Variants in RAPGEF4 observed in about 807,000 individuals in gnomAD.
RAPGEF4 encodes RAP guanine-nucleotide-exchange factor (GEF) 4.
In RAPGEF4, 66 loss-of-function variants were observed where a neutral mutation model predicts 147.9. The observed-to-expected ratio is 0.45, with a 90% confidence interval of 0.37 to 0.55. The LOEUF (loss-of-function observed/expected upper bound fraction) is 0.55, where lower values mean the gene tolerates loss of function less well. Among genes scored for constraint, RAPGEF4 ranks in the 20% least tolerant of loss-of-function variants. The probability of loss-of-function intolerance (pLI) is 0.00; values close to 1 mark genes in which losing one functional copy is unlikely to be tolerated. For missense variants in RAPGEF4, 1,071 were observed against 1,257.3 expected, an observed-to-expected ratio of 0.85 and a Z score of 2.24; for synonymous variants, 419 against 442.7, an observed-to-expected ratio of 0.95 and a Z score of 0.67.
At chr2:172,815,282 CCA>C (rs1353419577) in intron 4 of RAPGEF4, among the ~76,000 whole-genome samples, 1 of 152,184 alleles carries the variant, frequency 6.6e-6, no homozygotes, top group African/African-American at 2.4e-5. Flanking sequence ...ATAGTTTCCT[CCA>C]GAGCCAAACA....
chr2:172,795,719 A>T (rs1401587020), intron 2 of RAPGEF4, among the ~76,000 whole-genome samples: 2 of 152,232 alleles, frequency 1.3e-5, no homozygotes, highest in Non-Finnish European at 2.9e-5. Flanking sequence ...ATATTCAATG[A>T]CTTATACAAG....
chr2:172,883,203 A>G (rs966964901), intron 4 of RAPGEF4, among the ~76,000 whole-genome samples: 2 of 152,336 alleles, frequency 1.3e-5, no homozygotes, highest in Admixed American at 6.5e-5. Context: ...TATAAAGAAC[A>G]GAGATTTCTC....
intron 1 of RAPGEF4, among the ~76,000 whole-genome samples, chr2:172,749,426 G>T (rs1695063413): frequency 6.6e-6 from 1 of 152,196 alleles, no homozygotes; most frequent in Admixed American, 6.5e-5. Context: ...CTGGAGGCTT[G>T]CACCCTCTGA....
chr2:172,922,371 C>A, intron 6 of RAPGEF4, 71 bp downstream of exon 6: 1 of 1,410,450 alleles, frequency 7.1e-7, no homozygotes. Flanking sequence ...GGTAACCCTA[C>A]CAACAAAGAG....
intron 14 of RAPGEF4, among the ~76,000 whole-genome samples, chr2:172,990,204 A>G (rs1692692466): frequency 6.6e-6 from 1 of 152,212 alleles, no homozygotes; most frequent in Non-Finnish European, 1.5e-5. Flanking sequence ...ATTTAAAGGT[A>G]AACTGTACTA....
intron 1 of RAPGEF4, among the ~76,000 whole-genome samples, chr2:172,777,371 A>T (rs1051878535): frequency 6.6e-6 from 1 of 152,218 alleles, no homozygotes; most frequent in Admixed American, 6.5e-5. Context: ...ATTTAAAAAA[A>T]AAACCCTGCT....
At chr2:172,944,079 C>T (rs2105345920) in intron 6 of RAPGEF4, among the ~76,000 whole-genome samples, 1 of 152,280 alleles carries the variant, frequency 6.6e-6, no homozygotes, top group South Asian at 2.1e-4. Flanking sequence ...TATTAAATCA[C>T]ATGGAACAGG....
At chr2:173,048,137 G>A (rs6717735) in intron 29 of RAPGEF4, 38,199 of 156,670 alleles carry the variant, frequency 0.24, 5,095 homozygotes, top group East Asian at 0.63. Flanking sequence ...GCAAAAATGT[G>A]AAGGTAGAAT....
intron 17 of RAPGEF4, among the ~76,000 whole-genome samples, chr2:173,002,922 G>A (rs1022039374): frequency 6.6e-6 from 1 of 152,150 alleles, no homozygotes; most frequent in African/African-American, 2.4e-5. Flanking sequence ...AACAAATTCA[G>A]GATGTCTGTG....
At chr2:172,795,246 A>G in intron 2 of RAPGEF4, 79 bp downstream of exon 2, 1 of 1,394,062 alleles carries the variant, frequency 7.2e-7, no homozygotes, top group Non-Finnish European at 1.0e-6. Context: ...GATAAATAGC[A>G]AATGGAGTAT....
intron 1 of RAPGEF4, among the ~76,000 whole-genome samples, chr2:172,777,088 A>G (rs1237753821): frequency 6.6e-6 from 1 of 152,040 alleles, no homozygotes; most frequent in Non-Finnish European, 1.5e-5. Flanking sequence ...CTAGGCAGTT[A>G]ATGTCCTGGC....
intron 30 of RAPGEF4, 64 bp from the exon 31 acceptor site, chr2:173,051,576 G>C: frequency 6.7e-7 from 1 of 1,502,036 alleles, no homozygotes; most frequent in South Asian, 1.3e-5. Context: ...AATTGGAGAA[G>C]TAAGATTGTA....
intron 29 of RAPGEF4, among the ~76,000 whole-genome samples, chr2:173,046,079 A>G (rs907487001): frequency 2.0e-5 from 3 of 152,234 alleles, no homozygotes; most frequent in African/African-American, 7.2e-5. Context: ...TCACACCATT[A>G]AACATTATTG....
intron 1 of RAPGEF4, among the ~76,000 whole-genome samples, chr2:172,750,580 C>A (rs1366301425): frequency 6.6e-6 from 1 of 152,128 alleles, no homozygotes; most frequent in Non-Finnish European, 1.5e-5. Flanking sequence ...AGGACACAGC[C>A]AAACCATATC....
rs529549868 is a variant in RAPGEF4 at position 172,844,190 on chromosome 2, G to C, written c.444+29765G>C. Among the ~76,000 whole-genome samples the C allele has an allele frequency of 5.8e-4, 88 of 152,256 alleles. 1 individual carries two copies. The highest frequency in any genetic ancestry group is 8.1e-4 in the Non-Finnish European group (55 of 68,032). On this transcript the variant is annotated intron_variant, in intron 4 of 30. Transcript: ENST00000397081. ...GTCCGTGTCCAGACTTGGGGACTTG[G>C]AACAAGCACAATCTCCCAAGGGCAG...
At chr2:173,022,518 CGAG>C (rs1696208064) in intron 23 of RAPGEF4, among the ~76,000 whole-genome samples, 1 of 152,172 alleles carries the variant, frequency 6.6e-6, no homozygotes, top group African/African-American at 2.4e-5. Flanking sequence ...GACAGCCCAT[CGAG>C]GAGGAGTCGC....
chr2:173,018,629 T>C, intron 21 of RAPGEF4, 27 bp from the exon 22 acceptor site: 3 of 1,593,546 alleles, frequency 1.9e-6, no homozygotes, highest in Non-Finnish European at 2.6e-6. Context: ...AAGAGTGATT[T>C]ACTACCTTGT....
intron 4 of RAPGEF4, among the ~76,000 whole-genome samples, chr2:172,816,581 C>T (rs925855044): frequency 2.0e-5 from 3 of 152,298 alleles, no homozygotes; most frequent in African/African-American, 7.2e-5. Context: ...CTGTTTTCCA[C>T]AGTTCTTTCC....
At chr2:172,888,421 G>C (rs963813301) in intron 4 of RAPGEF4, among the ~76,000 whole-genome samples, 6 of 152,186 alleles carry the variant, frequency 3.9e-5, no homozygotes, top group African/African-American at 1.4e-4. Flanking sequence ...ACTAGGCACA[G>C]CATGTTAATT....
Sources: gnomAD v4.1 joint callset for allele counts (sites outside exome capture counted in the v4.1 genomes callset) on GRCh38, gnomAD v4.1.1 for gene constraint, MANE v1.5 for transcripts, NCBI Gene and HGNC (gene_info 2026-07-23, HGNC 2026-07-21) for gene names.